The following SLC24A3 variants were observed in gnomAD, a reference collection of about 807,000 sequenced individuals.
The protein encoded by SLC24A3 is sodium/potassium/calcium exchanger 3.
A neutral mutation model predicts 75.8 loss-of-function variants in SLC24A3; 28 were observed. That is an observed-to-expected ratio of 0.37 (90% CI 0.27 to 0.51). SLC24A3 has a LOEUF of 0.51. Ranked by LOEUF, SLC24A3 falls within the 20% of genes least tolerant of loss-of-function variation. SLC24A3 has a pLI of 0.94. For synonymous variants in SLC24A3, 372 were observed against 334.1 expected (o/e 1.11, Z -1.24); for missense variants, 663 against 847.8 (o/e 0.78, Z 2.71).
chr20:19,266,474 A>T (rs991757636), intron 1 of SLC24A3, among the ~76,000 whole-genome samples: 2 of 152,220 alleles, frequency 1.3e-5, no homozygotes, highest in African/African-American at 4.8e-5. Flanking sequence ...AGAATTAAGG[A>T]AAGACTGATT....
chr20:19,634,923 C>T (rs2031981195), intron 6 of SLC24A3, among the ~76,000 whole-genome samples: 1 of 152,148 alleles, frequency 6.6e-6, no homozygotes. Context: ...AAAACACCAT[C>T]CAACCAAGAT....
chr20:19,337,470 A>AATT lies in SLC24A3; in HGVS notation c.271+56384_271+56385insTTA, dbSNP rs1568593290. Among the ~76,000 whole-genome samples, 4 of 86,838 alleles carry AATT rather than the reference A, an allele frequency of 4.6e-5. No homozygotes were observed. In the East Asian group the frequency reaches 8.1e-4, roughly 18 times the overall value. The allele number at this position is 86,838 out of a possible 152,430, so 57.0% of individuals were successfully genotyped here. On this transcript the variant is annotated intron_variant, in intron 2 of 16. Coordinates refer to ENST00000328041, the MANE Select transcript of SLC24A3 (RefSeq NM_020689.4). ...AAAATAAGTAAATAAATAAATAAAT[A>AATT]AATTAATTAATTAATTAAATAAAAG...
At chr20:19,378,682 G>A (rs1986129188) in intron 2 of SLC24A3, among the ~76,000 whole-genome samples, 1 of 152,116 alleles carries the variant, frequency 6.6e-6, no homozygotes, top group South Asian at 2.1e-4. Context: ...GGAAGTCTCT[G>A]GAGGATTTGC....
At chr20:19,632,543 C>T (rs934202474) in intron 6 of SLC24A3, among the ~76,000 whole-genome samples, 3 of 152,154 alleles carry the variant, frequency 2.0e-5, no homozygotes, top group African/African-American at 4.8e-5. Context: ...TAAAGTTCAC[C>T]CAGATAATCC....
intron 1 of SLC24A3, among the ~76,000 whole-genome samples, chr20:19,234,730 G>A (rs556213322): frequency 6.6e-6 from 1 of 151,842 alleles, no homozygotes; most frequent in East Asian, 1.9e-4. Context: ...TGAGAAGAAG[G>A]TGAACAGAAG....
chr20:19,262,142 G>A (rs1396324400), intron 1 of SLC24A3, among the ~76,000 whole-genome samples: 7 of 152,086 alleles, frequency 4.6e-5, no homozygotes, highest in Admixed American at 1.3e-4. Flanking sequence ...GGTGGCTCAC[G>A]CCTGTAATCC....
intron 1 of SLC24A3, among the ~76,000 whole-genome samples, chr20:19,271,924 T>C (rs1188075358): frequency 2.0e-5 from 3 of 152,176 alleles, no homozygotes; most frequent in Non-Finnish European, 4.4e-5. Flanking sequence ...AAATTACCAT[T>C]AAAAATCTTA....
At position 19,532,397 on chromosome 20, in the gene SLC24A3, C is replaced by T. The variant is rs377646414; in HGVS notation, c.348+16833C>T. On this transcript the variant is annotated intron_variant, in intron 3 of 16. Coordinates refer to ENST00000328041, the MANE Select transcript of SLC24A3 (RefSeq NM_020689.4). ...GGGCATTGCATCCCCAGGACTGTCT[C>T]AGCCTCTGGTGCCCAAGTCCACTGT... Among the ~76,000 whole-genome samples, 10 of 152,308 alleles carry T rather than the reference C, an allele frequency of 6.6e-5. 2 individuals carry two copies.
intron 2 of SLC24A3, among the ~76,000 whole-genome samples, chr20:19,377,300 C>T (rs1986100904): frequency 6.6e-6 from 1 of 152,056 alleles, no homozygotes; most frequent in Non-Finnish European, 1.5e-5. Context: ...GGTAGTGTGT[C>T]CCTGTCATGA....
chr20:19,629,512 C>T (rs185020668), intron 6 of SLC24A3, among the ~76,000 whole-genome samples: 24 of 152,178 alleles, frequency 1.6e-4, no homozygotes, highest in Non-Finnish European at 2.9e-4. Context: ...CCAATATCTC[C>T]GCAAATTTGA....
intron 2 of SLC24A3, among the ~76,000 whole-genome samples, chr20:19,421,776 G>A (rs572749300): frequency 1.8e-4 from 28 of 152,290 alleles, no homozygotes; most frequent in East Asian, 1.7e-3. Flanking sequence ...TGGGCTTCGC[G>A]CCTCACAGCT....
intron 2 of SLC24A3, among the ~76,000 whole-genome samples, chr20:19,315,756 A>G (rs1330463967): frequency 1.3e-5 from 2 of 152,210 alleles, no homozygotes; most frequent in South Asian, 4.1e-4. Context: ...CTGTAACCAG[A>G]GTTCACAGTT....
At chr20:19,325,840 G>GAGAGAGAGAGA (rs1568589959) in intron 2 of SLC24A3, among the ~76,000 whole-genome samples, 5 of 43,202 alleles carry the variant, frequency 1.2e-4, no homozygotes, top group South Asian at 7.4e-4. Context: ...AGAGAGAGAG[G>GAGAGAGAGAGA]GAGACATCTG....
At chr20:19,616,248 C>G (rs1008022591) in intron 6 of SLC24A3, among the ~76,000 whole-genome samples, 1 of 152,166 alleles carries the variant, frequency 6.6e-6, no homozygotes, top group Non-Finnish European at 1.5e-5. Flanking sequence ...GTGATGTGGG[C>G]GAGGTAGCTC....
At chr20:19,637,245 G>C (rs1427943554) in intron 6 of SLC24A3, among the ~76,000 whole-genome samples, 1 of 152,248 alleles carries the variant, frequency 6.6e-6, no homozygotes, top group Non-Finnish European at 1.5e-5. Context: ...AGGTTGCAGT[G>C]AGCCAAGATC....
intron 15 of SLC24A3, among the ~76,000 whole-genome samples, chr20:19,703,192 A>G (rs1199035676): frequency 1.3e-5 from 2 of 152,208 alleles, no homozygotes; most frequent in African/African-American, 4.8e-5. Context: ...AAGAATCCCT[A>G]TGAAGAGAAG....
At chr20:19,542,891 C>T (rs999422342) in intron 3 of SLC24A3, among the ~76,000 whole-genome samples, 1 of 152,146 alleles carries the variant, frequency 6.6e-6, no homozygotes. Context: ...ACCTAATTCT[C>T]CTTAACAGAG....
intron 3 of SLC24A3, among the ~76,000 whole-genome samples, chr20:19,567,681 C>T (rs79421153): frequency 0.069 from 10,455 of 152,250 alleles, 501 homozygotes; most frequent in African/African-American, 0.13. Flanking sequence ...AATAAACTTT[C>T]TAACCAAATC....
Position 19,410,561 on chromosome 20 carries a change from C to T in SLC24A3, c.272-104927C>T, listed in dbSNP as rs192589283. Among the ~76,000 whole-genome samples the T allele has an allele frequency of 5.2e-4, 79 of 152,090 alleles. 1 individual carries two copies. The East Asian group carries it at 0.012, about 22-fold the overall frequency. ...CAAAATGGCAGAACTGGAGGAAATA[C>T]GCCTCTTCATCCCTGGTTGGGTTGA... On this transcript the variant is annotated intron_variant, in intron 2 of 16. Coordinates refer to ENST00000328041, the MANE Select transcript of SLC24A3 (RefSeq NM_020689.4).
Sources: gnomAD v4.1 joint callset for allele counts (sites outside exome capture counted in the v4.1 genomes callset) on GRCh38, gnomAD v4.1.1 for gene constraint, MANE v1.5 for transcripts, NCBI Gene and HGNC (gene_info 2026-07-23, HGNC 2026-07-21) for gene names.